Variants in JAKMIP2 observed in about 807,000 individuals in gnomAD.
JAKMIP2 encodes janus kinase and microtubule interacting protein 2.
Under a neutral mutation model 115.0 loss-of-function variants are expected in JAKMIP2, and 25 were observed. That is an observed-to-expected ratio of 0.22 (90% confidence interval 0.16 to 0.30). JAKMIP2 has a LOEUF of 0.30. Among genes scored for constraint, JAKMIP2 ranks in the 10% least tolerant of loss-of-function variants. The pLI is 1.00. For synonymous variants in JAKMIP2, 334 were observed against 343.6 expected, an observed-to-expected ratio of 0.97 and a Z score of 0.31; for missense variants, 642 against 957.6, an observed-to-expected ratio of 0.67 and a Z score of 4.35.
chr5:147,606,470 T>C (rs1230285114), intron 20 of JAKMIP2, among the ~76,000 whole-genome samples: 1 of 152,166 alleles, frequency 6.6e-6, no homozygotes, highest in Non-Finnish European at 1.5e-5. Flanking sequence ...TTTTGGCAGG[T>C]TTGTCAAAGA....
chr5:147,635,476 T>C (rs1359085142), intron 12 of JAKMIP2, among the ~76,000 whole-genome samples: 2 of 152,158 alleles, frequency 1.3e-5, no homozygotes, highest in African/African-American at 4.8e-5. Context: ...AAGCCTATGC[T>C]AGGTTTCGGC....
intron 16 of JAKMIP2, among the ~76,000 whole-genome samples, chr5:147,624,082 C>T (rs1756987437): frequency 6.6e-6 from 1 of 152,174 alleles, no homozygotes; most frequent in South Asian, 2.1e-4. Context: ...ATCCACCTGC[C>T]TCAGCCTCCC....
intron 9 of JAKMIP2, 102 bp from the exon 10 acceptor site, chr5:147,639,862 G>T: frequency 7.2e-7 from 1 of 1,391,650 alleles, no homozygotes; most frequent in Non-Finnish European, 9.8e-7. Context: ...AGAAGTAAAA[G>T]GTTGTTTAAC....
intron 1 of JAKMIP2, among the ~76,000 whole-genome samples, chr5:147,769,342 A>G (rs1755265542): frequency 6.6e-6 from 1 of 152,154 alleles, no homozygotes; most frequent in African/African-American, 2.4e-5. Flanking sequence ...AAGTGTAAGC[A>G]GATCCTTCAT....
At chr5:147,730,685 A>G (rs558974259) in intron 1 of JAKMIP2, among the ~76,000 whole-genome samples, 49 of 152,116 alleles carry the variant, frequency 3.2e-4, no homozygotes, top group Middle Eastern at 6.8e-3. Flanking sequence ...TGAACTCCTG[A>G]CCTCATGAGC....
chr5:147,605,074 T>A (rs1354749967), intron 20 of JAKMIP2, among the ~76,000 whole-genome samples: 2 of 152,024 alleles, frequency 1.3e-5, no homozygotes, highest in South Asian at 4.2e-4. Context: ...GAACATGCAG[T>A]GTTTGGTTTT....
intron 1 of JAKMIP2, among the ~76,000 whole-genome samples, chr5:147,715,013 A>T (rs559874635): frequency 6.6e-6 from 1 of 152,318 alleles, no homozygotes; most frequent in Non-Finnish European, 1.5e-5. Flanking sequence ...TTATAATCAT[A>T]AAGTGATAGC....
intron 1 of JAKMIP2, among the ~76,000 whole-genome samples, chr5:147,777,368 A>G (rs1349079858): frequency 1.3e-5 from 2 of 152,222 alleles, no homozygotes; most frequent in Non-Finnish European, 2.9e-5. Context: ...AATTCAGTAG[A>G]GACACATTTG....
intron 1 of JAKMIP2, among the ~76,000 whole-genome samples, chr5:147,744,961 GGCA>G (rs1186083585): frequency 6.6e-6 from 1 of 151,620 alleles, no homozygotes. Flanking sequence ...AGGAGAATGA[GGCA>G]GGAGAATCGC....
At chr5:147,690,815 T>A (rs1001252099) in intron 1 of JAKMIP2, among the ~76,000 whole-genome samples, 10 of 151,958 alleles carry the variant, frequency 6.6e-5, no homozygotes, top group Non-Finnish European at 1.5e-4. Context: ...GGCCCTCTGC[T>A]GGATAAACCT....
At chr5:147,640,603 G>A in intron 9 of JAKMIP2, 101 bp downstream of exon 9, 6 of 1,259,760 alleles carry the variant, frequency 4.8e-6, no homozygotes, top group South Asian at 1.4e-5. Flanking sequence ...ACTTTGTGCT[G>A]TTTATATAAA....
At chr5:147,779,091 C>T (rs1407548024) in intron 1 of JAKMIP2, among the ~76,000 whole-genome samples, 3 of 152,048 alleles carry the variant, frequency 2.0e-5, no homozygotes, top group Non-Finnish European at 4.4e-5. Flanking sequence ...AAAGCATTGA[C>T]TTTTCATGAA....
chr5:147,641,722 A>C lies in JAKMIP2; in HGVS notation c.1267T>G (p.Ser423Ala). The C allele has an allele frequency of 6.2e-7, 1 of 1,612,968 alleles. No homozygotes were observed. The highest frequency in any genetic ancestry group is 1.1e-5 in the South Asian group (1 of 91,022). ...LIRRRKHRRS[S>A]KPIKRPVLDP... is the part of the protein sequence containing the mutation. ...TTTCTTATTACCTTAATTGGCTTGG[A>C]ACTTCTTCTATGCTTTCTTCTACGG... Residue 423 changes from serine (S) to alanine (A), a missense_variant, in exon 8 of 22, where the codon TCC (serine) becomes GCC (alanine). By Grantham distance (99) the Ser-to-Ala change is moderately conservative. This residue lies in a region of JAKMIP2 where 439 missense variants were observed against 570.9 expected (regional missense o/e 0.77). Transcript: ENST00000616793.
chr5:147,664,020 C>A (rs77235521), intron 2 of JAKMIP2, among the ~76,000 whole-genome samples: 3,628 of 152,206 alleles, frequency 0.024, 170 homozygotes, highest in African/African-American at 0.082. Flanking sequence ...TCTCCTTTAT[C>A]GTTTTTATAT....
intron 20 of JAKMIP2, among the ~76,000 whole-genome samples, chr5:147,610,278 A>G (rs1756246570): frequency 6.6e-6 from 1 of 152,032 alleles, no homozygotes; most frequent in Non-Finnish European, 1.5e-5. Flanking sequence ...TGGTTTTTGG[A>G]ATTTTCAGCC....
intron 19 of JAKMIP2, 23 bp from the exon 20 acceptor site, chr5:147,612,394 A>G (rs1476020304): frequency 7.0e-7 from 1 of 1,425,644 alleles, no homozygotes; most frequent in Admixed American, 1.9e-5. Flanking sequence ...AAGAAAAGAA[A>G]GAAAGCATCA....
intron 1 of JAKMIP2, among the ~76,000 whole-genome samples, chr5:147,687,122 C>A (rs1295816784): frequency 6.6e-6 from 1 of 152,152 alleles, no homozygotes; most frequent in Non-Finnish European, 1.5e-5. Context: ...CATCCACTTA[C>A]TCACCTCCTA....
intron 1 of JAKMIP2, among the ~76,000 whole-genome samples, chr5:147,686,312 G>GT (rs1471833174): frequency 2.6e-5 from 4 of 151,772 alleles, no homozygotes; most frequent in South Asian, 4.2e-4. Flanking sequence ...TGAATAAATC[G>GT]TTTTTTTGGA....
intron 8 of JAKMIP2, 48 bp from the exon 9 acceptor site, chr5:147,640,871 A>T: frequency 6.3e-7 from 1 of 1,577,210 alleles, no homozygotes; most frequent in South Asian, 1.1e-5. Context: ...AACAGTAGGG[A>T]AAGTTGAACG....
Sources: allele counts gnomAD v4.1 joint callset (sites outside exome capture counted in the v4.1 genomes callset), GRCh38; gene constraint gnomAD v4.1.1; regional missense constraint gnomAD v4.1.1; transcripts MANE v1.5; gene names NCBI Gene and HGNC (gene_info 2026-07-23, HGNC 2026-07-21).